The following NTF3 variants were observed in gnomAD, a reference collection of about 807,000 sequenced individuals.
NTF3 encodes neurotrophin 3, also known as neurotrophin-3.
NTF3 carries 8 observed loss-of-function variants against 26.3 expected under a neutral mutation model. The observed-to-expected ratio is 0.30, with a 90% CI of 0.18 to 0.55. The LOEUF (loss-of-function observed/expected upper bound fraction) is 0.55. NTF3 is among the 20% of genes least tolerant of loss of function. The pLI is 0.93. For synonymous variants in NTF3, 154 were observed against 145.5 expected, an observed-to-expected ratio of 1.06 and a Z score of -0.42; for missense variants, 276 against 352.9, an observed-to-expected ratio of 0.78 and a Z score of 1.75.
intron 1 of NTF3, among the ~76,000 whole-genome samples, chr12:5,479,877 G>A (rs745729497): frequency 6.6e-6 from 1 of 152,266 alleles, no homozygotes; most frequent in South Asian, 2.1e-4. Context: ...TGGCCTCTAG[G>A]CCTCATGTTT....
intron 1 of NTF3, among the ~76,000 whole-genome samples, chr12:5,459,530 C>T (rs1016997937): frequency 6.6e-6 from 1 of 152,174 alleles, no homozygotes; most frequent in African/African-American, 2.4e-5. Context: ...TTCTCTTGTG[C>T]TGTTTTCTTA....
intron 1 of NTF3, among the ~76,000 whole-genome samples, chr12:5,459,704 C>T (rs1012231398): frequency 5.3e-5 from 8 of 152,184 alleles, no homozygotes; most frequent in Admixed American, 2.0e-4. Flanking sequence ...TGTGGTTTCC[C>T]GGAAAAGGCC....
At position 5,494,154 on chromosome 12, in the gene NTF3, C is replaced by T. The variant is rs766992939; in HGVS notation, c.19-40C>T. 1 of 1,584,018 alleles carries T rather than the reference C, an allele frequency of 6.3e-7. No individual in the cohort carries two copies. Among genetic ancestry groups the T allele is most frequent in the Non-Finnish European group, 8.6e-7 (1 of 1,164,648 alleles). The stretch of plus-strand genomic sequence containing the variant: ...TGGTGCCAGAATAACACAGACTCAG[C>T]TGCCAGAGCCTGCTCTTAACACCTG... On this transcript the variant is annotated intron_variant, in intron 1 of 1. Coordinates refer to ENST00000423158, the MANE Select transcript of NTF3 (RefSeq NM_001102654.2). The surrounding 1 kb of genome is among the most constrained non-coding windows in gnomAD (Gnocchi z 8.3).
chr12:5,445,732 C>T (rs1940297854), intron 1 of NTF3, among the ~76,000 whole-genome samples: 1 of 152,240 alleles, frequency 6.6e-6, no homozygotes, highest in African/African-American at 2.4e-5. Flanking sequence ...TTGAGAACCA[C>T]TAGCTGACAC....
chr12:5,461,186 G>GCCCAAAGAGCATTTC, intron 1 of NTF3, among the ~76,000 whole-genome samples: 1 of 152,086 alleles, frequency 6.6e-6, no homozygotes, highest in East Asian at 1.9e-4. Context: ...GTCTTGATTT[G>GCCCAAAGAGCATTTC]CCCAAAGAGC....
chr12:5,464,237 G>T (rs1335264689), intron 1 of NTF3, among the ~76,000 whole-genome samples: 1 of 152,208 alleles, frequency 6.6e-6, no homozygotes, highest in Non-Finnish European at 1.5e-5. Context: ...TAGACATTGT[G>T]CTGGGCTTAT....
At chr12:5,480,457 A>G (rs1940775394) in intron 1 of NTF3, among the ~76,000 whole-genome samples, 1 of 152,222 alleles carries the variant, frequency 6.6e-6, no homozygotes, top group African/African-American at 2.4e-5. Flanking sequence ...GCCCTGCTCA[A>G]TTAGCCCCAG....
intron 1 of NTF3, among the ~76,000 whole-genome samples, chr12:5,445,005 G>A (rs1206217404): frequency 6.6e-6 from 1 of 152,122 alleles, no homozygotes; most frequent in African/African-American, 2.4e-5. Context: ...ATTTTAGGGT[G>A]GTTGATAGTG....
At chr12:5,459,411 C>T (rs1052411084) in intron 1 of NTF3, among the ~76,000 whole-genome samples, 30 of 152,336 alleles carry the variant, frequency 2.0e-4, no homozygotes, top group Non-Finnish European at 3.8e-4. Context: ...CCTTCACTCT[C>T]AAAGATGTTG....
chr12:5,438,442 C>A (rs1255792678), intron 1 of NTF3, among the ~76,000 whole-genome samples: 1 of 152,154 alleles, frequency 6.6e-6, no homozygotes, highest in Non-Finnish European at 1.5e-5. Flanking sequence ...CAGGACAAAC[C>A]TATGACTGAC....
intron 1 of NTF3, among the ~76,000 whole-genome samples, chr12:5,455,470 C>T (rs1403727960): frequency 1.3e-5 from 2 of 151,440 alleles, no homozygotes; most frequent in Non-Finnish European, 2.9e-5. Flanking sequence ...CCTTGGACTC[C>T]AGGAGTCCTG....
In NTF3 at chr12:5,432,289, C is replaced by T; in HGVS notation, c.-36C>T. The T allele has an allele frequency of 1.2e-6, 2 of 1,613,200 alleles. No homozygotes were observed. Among genetic ancestry groups the T allele is most frequent in the Non-Finnish European group, 1.7e-6 (2 of 1,179,618 alleles). ...CCGAGCTCGCGTCCACCTTTCTCTTCATGTCGACGTCCCTGGAAACGGCCA... is the reference window on the plus strand; with the variant it reads ...CCGAGCTCGCGTCCACCTTTCTCTTTATGTCGACGTCCCTGGAAACGGCCA... On this transcript the variant is annotated 5_prime_UTR_variant, in exon 1 of 2. Transcript: ENST00000423158.
At chr12:5,443,974 G>T (rs1940272181) in intron 1 of NTF3, among the ~76,000 whole-genome samples, 1 of 152,162 alleles carries the variant, frequency 6.6e-6, no homozygotes, top group Non-Finnish European at 1.5e-5. Flanking sequence ...ATTTGGATTG[G>T]GTTACAGGTT....
chr12:5,438,006 C>T (rs1940193246), intron 1 of NTF3, among the ~76,000 whole-genome samples: 2 of 152,122 alleles, frequency 1.3e-5, no homozygotes, highest in Admixed American at 1.3e-4. Flanking sequence ...CATTGGATTG[C>T]TTCTTACAGG....
chr12:5,430,778 G>C (rs1043383581), upstream of NTF3, among the ~76,000 whole-genome samples: 7 of 152,112 alleles, frequency 4.6e-5, no homozygotes, highest in African/African-American at 1.7e-4. Context: ...GACAGGGCAG[G>C]GAGGAAACGG....
rs183242166 is a variant in NTF3 at position 5,463,242 on chromosome 12, T to C, written c.18+30900T>C. 4.9e-3 allele frequency among the ~76,000 whole-genome samples: 751 copies of C among 152,320 alleles called. 6 individuals are homozygous for C. Among genetic ancestry groups the C allele is most frequent in the South Asian group, 0.01 (49 of 4,820 alleles). On this transcript the variant is annotated intron_variant, in intron 1 of 1. Transcript: ENST00000423158. ...GATTTCATACATCCTGAGATACTAG[T>C]GACTTCAAAATGCCTTTCTCAAATT...
At chr12:5,472,320 T>C (rs1253971735) in intron 1 of NTF3, among the ~76,000 whole-genome samples, 2 of 152,212 alleles carry the variant, frequency 1.3e-5, no homozygotes, top group Admixed American at 6.5e-5. Flanking sequence ...AATGGCAGGC[T>C]TAATTCTAGC....
rs1940100713 is a variant in NTF3 at position 5,432,246 on chromosome 12, G to C, written c.-79G>C. 6.7e-7 allele frequency: 1 copy of C among 1,492,050 alleles called. No homozygotes were observed. The highest frequency in any genetic ancestry group is 9.3e-7 in the Non-Finnish European group (1 of 1,072,040). 92.4% of individuals were successfully genotyped at this position (1,492,050 alleles called of 1,614,324 possible). On this transcript the variant is annotated 5_prime_UTR_variant, in exon 1 of 2. Transcript: ENST00000423158. ...TGCTGGGTAGTGGCTGCGGCGGGGT[G>C]GGGGAGACTTTGAATGACCGAGCTC...
At chr12:5,432,962 G>C (rs551305587) in intron 1 of NTF3, among the ~76,000 whole-genome samples, 12 of 152,304 alleles carry the variant, frequency 7.9e-5, no homozygotes, top group African/African-American at 2.4e-4. Flanking sequence ...ACTCTGGCCC[G>C]GGCGTGGGCT....
Sources: allele counts gnomAD v4.1 joint callset (sites outside exome capture counted in the v4.1 genomes callset), GRCh38; gene constraint gnomAD v4.1.1; non-coding constraint Gnocchi (gnomAD v3.1); transcripts MANE v1.5; gene names NCBI Gene and HGNC (gene_info 2026-07-23, HGNC 2026-07-21).